The following SCNN1B variants were observed in gnomAD, a reference collection of about 807,000 sequenced individuals.
SCNN1B encodes sodium channel epithelial 1 subunit beta, also known as epithelial sodium channel subunit beta.
Under a neutral mutation model 65.3 loss-of-function variants are expected in SCNN1B, and 46 were observed. That is an observed-to-expected ratio of 0.70 (90% CI 0.56 to 0.90). The LOEUF (loss-of-function observed/expected upper bound fraction) is 0.90. Ranked by LOEUF, SCNN1B falls within the 40% of genes least tolerant of loss-of-function variation. The pLI, the probability that SCNN1B is intolerant of heterozygous loss-of-function variation, is 0.00. For synonymous variants in SCNN1B, 349 were observed against 330.6 expected (o/e 1.06, Z -0.60); for missense variants, 751 against 830.5 (o/e 0.90, Z 1.18).
At chr16:23,374,268 GAAAAAAA>G (rs1223701346) in intron 7 of SCNN1B, among the ~76,000 whole-genome samples, 12 of 60,456 alleles carry the variant, frequency 2.0e-4, no homozygotes, top group Non-Finnish European at 2.5e-4. Flanking sequence ...CCTGTCTCAG[GAAAAAAA>G]AAAAAAAAAA....
intron 1 of SCNN1B, among the ~76,000 whole-genome samples, chr16:23,318,918 AC>A (rs1435752757): frequency 2.0e-5 from 3 of 152,150 alleles, no homozygotes; most frequent in Non-Finnish European, 4.4e-5. Flanking sequence ...TGTCAACATA[AC>A]CTTTTCATAG....
At chr16:23,361,908 C>G (rs1011521443) in intron 4 of SCNN1B, among the ~76,000 whole-genome samples, 3 of 151,916 alleles carry the variant, frequency 2.0e-5, no homozygotes, top group African/African-American at 7.3e-5. Context: ...GAGATGGGGT[C>G]TCCCTATGTT....
chr16:23,295,458 T>A (rs1960982157), intron 2 of SCNN1B, among the ~76,000 whole-genome samples: 1 of 152,078 alleles, frequency 6.6e-6, no homozygotes, highest in African/African-American at 2.4e-5. Flanking sequence ...CAAGCAATCC[T>A]CCCATATCAG....
chr16:23,317,570 G>A (rs956121159), intron 1 of SCNN1B, among the ~76,000 whole-genome samples: 1 of 152,208 alleles, frequency 6.6e-6, no homozygotes, highest in Non-Finnish European at 1.5e-5. Flanking sequence ...GTCTGAGAGA[G>A]AGCAGGGAGC....
intron 5 of SCNN1B, among the ~76,000 whole-genome samples, chr16:23,368,648 T>A (rs1367871400): frequency 6.6e-6 from 1 of 152,182 alleles, no homozygotes; most frequent in African/African-American, 2.4e-5. Context: ...TGAGCCATGA[T>A]GATGAGTAAA....
At chr16:23,332,943 G>A (rs538158512) in intron 1 of SCNN1B, among the ~76,000 whole-genome samples, 88 of 152,186 alleles carry the variant, frequency 5.8e-4, no homozygotes, top group Middle Eastern at 6.8e-3. Context: ...GGCGGCAGGC[G>A]CCTGTAATCC....
chr16:23,295,662 T>G (rs1035781157), intron 2 of SCNN1B, among the ~76,000 whole-genome samples: 2 of 152,170 alleles, frequency 1.3e-5, no homozygotes, highest in Non-Finnish European at 2.9e-5. Context: ...CTGGCCTTAC[T>G]TCATTCTTTT....
intron 10 of SCNN1B, 92 bp downstream of exon 10, chr16:23,377,478 G>C: frequency 8.2e-7 from 1 of 1,223,860 alleles, no homozygotes; most frequent in Non-Finnish European, 1.2e-6. Context: ...ATTTGAAGGG[G>C]GTGCCTTTTT....
intron 4 of SCNN1B, among the ~76,000 whole-genome samples, chr16:23,360,744 C>T (rs1397168020): frequency 6.6e-6 from 1 of 151,586 alleles, no homozygotes; most frequent in East Asian, 1.9e-4. Flanking sequence ...GACAGGCATG[C>T]ACCACCACAC....
chr16:23,283,582 T>C (rs551488056), intron 1 of SCNN1B, among the ~76,000 whole-genome samples: 7 of 152,346 alleles, frequency 4.6e-5, no homozygotes, highest in Non-Finnish European at 1.0e-4. Flanking sequence ...ACTGAATATA[T>C]ATGGCATTTG....
At chr16:23,359,425 G>A (rs1962489108) in intron 4 of SCNN1B, 1 of 152,390 alleles carries the variant, frequency 6.6e-6, no homozygotes, top group Admixed American at 6.5e-5. Context: ...GCAGGTCCCA[G>A]TGAAAGGTAC....
chr16:23,289,040 A>G (rs1473413458), intron 2 of SCNN1B, among the ~76,000 whole-genome samples: 1 of 152,182 alleles, frequency 6.6e-6, no homozygotes, highest in Non-Finnish European at 1.5e-5. Context: ...AATCACAGAA[A>G]TGACATCCCA....
chr16:23,286,599 T>A (rs1313782809), intron 2 of SCNN1B, among the ~76,000 whole-genome samples: 1 of 152,228 alleles, frequency 6.6e-6, no homozygotes, highest in Non-Finnish European at 1.5e-5. Context: ...ACCATAGATT[T>A]AGCTTCTAGT....
chr16:23,298,842 C>T (rs147390267), upstream of SCNN1B, among the ~76,000 whole-genome samples: 1 of 152,182 alleles, frequency 6.6e-6, no homozygotes, highest in African/African-American at 2.4e-5. Context: ...TCTGGAGTTC[C>T]CAGACATCCC....
intron 2 of SCNN1B, among the ~76,000 whole-genome samples, chr16:23,288,956 G>A (rs572898316): frequency 6.6e-6 from 1 of 152,316 alleles, no homozygotes; most frequent in East Asian, 1.9e-4. Context: ...GACCCTCCCA[G>A]CATAGTAACT....
chr16:23,374,682 C>T (rs1230082946), intron 7 of SCNN1B, among the ~76,000 whole-genome samples: 4 of 151,914 alleles, frequency 2.6e-5, no homozygotes, highest in African/African-American at 7.3e-5. Flanking sequence ...GATTTCCTGC[C>T]CTCAGAGAGC....
intron 1 of SCNN1B, among the ~76,000 whole-genome samples, chr16:23,278,657 T>A (rs956225746): frequency 5.3e-5 from 8 of 152,018 alleles, no homozygotes; most frequent in Non-Finnish European, 1.0e-4. Flanking sequence ...TTGCATAACA[T>A]CTGAGTGCAC....
intron 2 of SCNN1B, among the ~76,000 whole-genome samples, chr16:23,285,192 G>A (rs1320763900): frequency 6.6e-6 from 1 of 151,888 alleles, no homozygotes; most frequent in Admixed American, 6.6e-5. Flanking sequence ...ACGTTAAGAA[G>A]TTAAGACTCT....
At chr16:23,298,514 T>C (rs561575049), upstream of SCNN1B, among the ~76,000 whole-genome samples, 1 of 152,296 alleles carries the variant, frequency 6.6e-6, no homozygotes, top group African/African-American at 2.4e-5. Context: ...GCCATGACAA[T>C]GGTAAACTAT....
Sources: allele counts gnomAD v4.1 joint callset (sites outside exome capture counted in the v4.1 genomes callset), GRCh38; gene constraint gnomAD v4.1.1; transcripts MANE v1.5; gene names NCBI Gene and HGNC (gene_info 2026-07-23, HGNC 2026-07-21).